Variants in ERC2 observed in about 807,000 individuals in gnomAD.
ERC2 encodes the protein ERC protein 2.
In ERC2, 42 loss-of-function variants were observed where a neutral mutation model predicts 114.8. The observed-to-expected ratio is 0.37, with a 90% CI of 0.29 to 0.47. ERC2 has a LOEUF of 0.47. Ranked by LOEUF, ERC2 falls within the 20% of genes least tolerant of loss-of-function variation. The probability of loss-of-function intolerance (pLI) is 0.99; values close to 1 mark genes in which losing one functional copy is unlikely to be tolerated. For synonymous variants in ERC2, 454 were observed against 425.5 expected, an observed-to-expected ratio of 1.07 and a Z score of -0.82; for missense variants, 939 against 1,150.7, an observed-to-expected ratio of 0.82 and a Z score of 2.66.
At chr3:55,515,920 G>A (rs1385583840) in intron 17 of ERC2, among the ~76,000 whole-genome samples, 1 of 152,138 alleles carries the variant, frequency 6.6e-6, no homozygotes, top group Non-Finnish European at 1.5e-5. Context: ...TGGTAAACAC[G>A]GAGGGGTTAA....
chr3:56,082,097 G>A (rs556504485), intron 6 of ERC2, among the ~76,000 whole-genome samples: 2 of 152,104 alleles, frequency 1.3e-5, no homozygotes, highest in Admixed American at 6.5e-5. Flanking sequence ...AAAAGATTAG[G>A]ACCCTTTGCC....
At chr3:56,273,973 G>C (rs1388727852) in intron 3 of ERC2, among the ~76,000 whole-genome samples, 1 of 152,292 alleles carries the variant, frequency 6.6e-6, no homozygotes, top group South Asian at 2.1e-4. Context: ...CATGTTTGTA[G>C]CATCACAACA....
At chr3:56,358,229 C>T (rs2058817876) in intron 2 of ERC2, among the ~76,000 whole-genome samples, 1 of 152,268 alleles carries the variant, frequency 6.6e-6, no homozygotes, top group Admixed American at 6.5e-5. Context: ...TCTGATTACA[C>T]CGAACAATAT....
chr3:55,804,687 G>T (rs765698004), intron 14 of ERC2, among the ~76,000 whole-genome samples: 1 of 152,020 alleles, frequency 6.6e-6, no homozygotes, highest in Non-Finnish European at 1.5e-5. Context: ...CTGTAACTCC[G>T]CCCTCCGGTG....
intron 10 of ERC2, among the ~76,000 whole-genome samples, chr3:56,003,372 T>C (rs1029765717): frequency 6.6e-6 from 1 of 152,164 alleles, no homozygotes; most frequent in Non-Finnish European, 1.5e-5. Context: ...AGGTTTGTGT[T>C]ACTTTCCCTT....
At chr3:55,920,237 T>C (rs1219062652) in intron 13 of ERC2, among the ~76,000 whole-genome samples, 1 of 152,158 alleles carries the variant, frequency 6.6e-6, no homozygotes, top group African/African-American at 2.4e-5. Flanking sequence ...TAAAATTTAA[T>C]TTGTATTGAG....
At chr3:56,033,720 C>T (rs1208137415) in intron 7 of ERC2, among the ~76,000 whole-genome samples, 1 of 152,094 alleles carries the variant, frequency 6.6e-6, no homozygotes, top group East Asian at 1.9e-4. Context: ...CAAGATTTCT[C>T]TCATGTAAGA....
intron 17 of ERC2, among the ~76,000 whole-genome samples, chr3:55,667,704 CT>C: frequency 6.6e-6 from 1 of 152,360 alleles, no homozygotes; most frequent in East Asian, 1.9e-4. Context: ...CACTAACTCA[CT>C]TTGCCCCCCA....
At chr3:55,757,374 CAA>C (rs1279095825) in intron 14 of ERC2, among the ~76,000 whole-genome samples, 1 of 152,120 alleles carries the variant, frequency 6.6e-6, no homozygotes, top group African/African-American at 2.4e-5. Flanking sequence ...CTCTCTATCT[CAA>C]ATTTTTAGGT....
chr3:56,281,865 G>A (rs994741150), intron 3 of ERC2, among the ~76,000 whole-genome samples: 1 of 152,182 alleles, frequency 6.6e-6, no homozygotes. Context: ...ACAAACATCA[G>A]TACCCCAATA....
chr3:56,219,896 C>G (rs908904037), intron 3 of ERC2, among the ~76,000 whole-genome samples: 1 of 152,158 alleles, frequency 6.6e-6, no homozygotes, highest in South Asian at 2.1e-4. Context: ...CTGGGCCTCC[C>G]ATTTTGGCAT....
intron 7 of ERC2, among the ~76,000 whole-genome samples, chr3:56,045,331 G>GA (rs1283785141): frequency 6.6e-6 from 1 of 152,142 alleles, no homozygotes; most frequent in African/African-American, 2.4e-5. Flanking sequence ...TCACAAGCAT[G>GA]ACCTGTGGGA....
intron 7 of ERC2, among the ~76,000 whole-genome samples, chr3:56,023,218 C>A (rs1275274144): frequency 6.6e-6 from 1 of 152,148 alleles, no homozygotes; most frequent in Non-Finnish European, 1.5e-5. Context: ...CTCCATGCTG[C>A]AGTCAAAGGT....
intron 17 of ERC2, among the ~76,000 whole-genome samples, chr3:55,665,717 C>A (rs1003270714): frequency 6.6e-6 from 1 of 152,168 alleles, no homozygotes; most frequent in African/African-American, 2.4e-5. Flanking sequence ...CTTGTTATGG[C>A]AGCCCTAGAA....
intron 17 of ERC2, among the ~76,000 whole-genome samples, chr3:55,568,007 A>C (rs1268035580): frequency 6.6e-6 from 1 of 152,142 alleles, no homozygotes; most frequent in East Asian, 1.9e-4. Context: ...TCTCTGGACT[A>C]ATTTTATTGC....
At chr3:56,204,396 C>T (rs2048583162) in intron 3 of ERC2, among the ~76,000 whole-genome samples, 1 of 152,142 alleles carries the variant, frequency 6.6e-6, no homozygotes. Flanking sequence ...TGTAAAGTCT[C>T]ACTTTTATTA....
chr3:56,197,097 T>A (rs2048154922), intron 3 of ERC2, among the ~76,000 whole-genome samples: 1 of 152,146 alleles, frequency 6.6e-6, no homozygotes, highest in Non-Finnish European at 1.5e-5. Context: ...TGCACATGCC[T>A]GAGATACAGG....
At chr3:55,791,636 A>T (rs1396279535) in intron 14 of ERC2, among the ~76,000 whole-genome samples, 1 of 152,206 alleles carries the variant, frequency 6.6e-6, no homozygotes, top group Non-Finnish European at 1.5e-5. Flanking sequence ...GCAAAAATCC[A>T]TATTAACCCA....
At chr3:55,540,126 C>T (rs969043666) in intron 17 of ERC2, among the ~76,000 whole-genome samples, 2 of 152,136 alleles carry the variant, frequency 1.3e-5, no homozygotes, top group Non-Finnish European at 2.9e-5. Context: ...CATTTCCAGG[C>T]TAATGCCTGT....
Sources: allele counts gnomAD v4.1 joint callset (sites outside exome capture counted in the v4.1 genomes callset), GRCh38; gene constraint gnomAD v4.1.1; transcripts MANE v1.5; gene names NCBI Gene and HGNC (gene_info 2026-07-23, HGNC 2026-07-21).